The following CSMD1 variants were observed in gnomAD, a reference collection of about 807,000 sequenced individuals.
The protein encoded by CSMD1 is CUB and sushi domain-containing protein 1.
A neutral mutation model predicts 417.5 loss-of-function variants in CSMD1; 213 were observed. The observed-to-expected ratio is 0.51, with a 90% CI of 0.46 to 0.57. The LOEUF is 0.57. Among genes scored for constraint, CSMD1 ranks in the 20% least tolerant of loss-of-function variants. CSMD1 has a pLI of 0.00. For missense variants in CSMD1, 6,923 were observed against 4,529.7 expected (o/e 1.53, Z -15.17); for synonymous variants, 2,862 against 1,736.8 (o/e 1.65, Z -16.11).
chr8:4,643,451 T>G (rs1242129620), intron 1 of CSMD1, among the ~76,000 whole-genome samples: 1 of 152,226 alleles, frequency 6.6e-6, no homozygotes, highest in Non-Finnish European at 1.5e-5. Flanking sequence ...TTGGCTTTTC[T>G]GGAACACTAA....
intron 2 of CSMD1, among the ~76,000 whole-genome samples, chr8:4,450,962 G>A (rs756004238): frequency 6.6e-6 from 1 of 152,008 alleles, no homozygotes; most frequent in Non-Finnish European, 1.5e-5. Flanking sequence ...AAGATCTACA[G>A]TAACGTATTA....
chr8:4,594,862 A>T (rs777611816), intron 2 of CSMD1, among the ~76,000 whole-genome samples: 3 of 152,182 alleles, frequency 2.0e-5, no homozygotes, highest in African/African-American at 7.2e-5. Context: ...GTAAATCTTC[A>T]TCATGCTGAA....
intron 1 of CSMD1, among the ~76,000 whole-genome samples, chr8:4,978,110 T>G (rs924793837): frequency 6.6e-6 from 1 of 152,184 alleles, no homozygotes; most frequent in Admixed American, 6.5e-5. Flanking sequence ...GAGTTCTGGG[T>G]AGCCTATTCC....
chr8:3,523,669 ACACACGTACACCCAGAGAGACATATG>A (rs1797611174), intron 10 of CSMD1, among the ~76,000 whole-genome samples: 1 of 142,252 alleles, frequency 7.0e-6, no homozygotes, highest in African/African-American at 2.8e-5. Context: ...ACACATGCAC[ACACACGTACACCCAGAGAGACATATG>A]CACACATGTG....
At chr8:4,913,902 C>T (rs946209637) in intron 1 of CSMD1, among the ~76,000 whole-genome samples, 2 of 152,160 alleles carry the variant, frequency 1.3e-5, no homozygotes, top group Non-Finnish European at 2.9e-5. Context: ...GTGCATCCTT[C>T]TTAATTAATG....
intron 1 of CSMD1, among the ~76,000 whole-genome samples, chr8:4,664,790 T>C (rs1348735649): frequency 6.6e-6 from 1 of 152,128 alleles, no homozygotes; most frequent in Non-Finnish European, 1.5e-5. Flanking sequence ...CTATGGAAAT[T>C]ATGGCATCTT....
At chr8:3,080,861 C>T (rs1304009942) in intron 49 of CSMD1, among the ~76,000 whole-genome samples, 1 of 152,054 alleles carries the variant, frequency 6.6e-6, no homozygotes. Context: ...GGGGGATGGC[C>T]CTCACAATGT....
chr8:4,387,797 G>C (rs916633835), intron 3 of CSMD1, among the ~76,000 whole-genome samples: 6 of 152,058 alleles, frequency 3.9e-5, no homozygotes, highest in Non-Finnish European at 8.8e-5. Context: ...GACGGATTTT[G>C]AATATGCACT....
At chr8:4,213,786 T>C (rs969984310) in intron 3 of CSMD1, among the ~76,000 whole-genome samples, 2 of 151,950 alleles carry the variant, frequency 1.3e-5, no homozygotes, top group African/African-American at 4.8e-5. Context: ...GTGGTGAGGG[T>C]GGAACGCAAA....
intron 1 of CSMD1, among the ~76,000 whole-genome samples, chr8:4,876,592 CT>C (rs1471872525): frequency 6.6e-6 from 1 of 151,914 alleles, no homozygotes; most frequent in African/African-American, 2.4e-5. Context: ...ATAATATAGC[CT>C]TTTTTTGTAA....
chr8:3,560,799 A>G lies in CSMD1; in HGVS notation c.1344+14146T>C, dbSNP rs60494759. ...CTCCTTGATTTGACCCTATCGAGCT[A>G]GAGAAAGCAATTTCATTTATCCTTC... On this transcript the variant is annotated intron_variant, in intron 10 of 69. Transcript: ENST00000635120. 6.0e-3 allele frequency among the ~76,000 whole-genome samples: 913 copies of G among 152,328 alleles called. 11 individuals carry two copies. The highest frequency in any genetic ancestry group is 0.021 in the African/African-American group (874 of 41,578).
intron 2 of CSMD1, among the ~76,000 whole-genome samples, chr8:4,539,648 G>A (rs1050490143): frequency 6.6e-6 from 1 of 152,092 alleles, no homozygotes; most frequent in African/African-American, 2.4e-5. Context: ...AAATTTAAAT[G>A]GTAAAATAAC....
At chr8:4,812,317 C>T (rs1585140471) in intron 1 of CSMD1, among the ~76,000 whole-genome samples, 2 of 152,200 alleles carry the variant, frequency 1.3e-5, no homozygotes, top group African/African-American at 4.8e-5. Context: ...ATAGTGGCTG[C>T]TTCCAATCAA....
chr8:4,945,867 GCAGA>G (rs1417847990), intron 1 of CSMD1, among the ~76,000 whole-genome samples: 1 of 152,098 alleles, frequency 6.6e-6, no homozygotes, highest in African/African-American at 2.4e-5. Context: ...GCAGGATTTG[GCAGA>G]CAATCACAGA....
chr8:3,144,888 G>A (rs544645217), intron 40 of CSMD1, among the ~76,000 whole-genome samples: 2 of 151,996 alleles, frequency 1.3e-5, no homozygotes, highest in South Asian at 2.1e-4. Flanking sequence ...TCCTCTGCCT[G>A]CTGTGACAGC....
At chr8:4,112,069 G>A (rs1336056386) in intron 3 of CSMD1, among the ~76,000 whole-genome samples, 1 of 152,072 alleles carries the variant, frequency 6.6e-6, no homozygotes, top group Non-Finnish European at 1.5e-5. Context: ...TTTGTCTGAG[G>A]CTAGTCTTGA....
At chr8:3,174,499 C>T (rs902014125) in intron 37 of CSMD1, among the ~76,000 whole-genome samples, 1 of 152,052 alleles carries the variant, frequency 6.6e-6, no homozygotes. Context: ...TCTCAAAAAA[C>T]AAACAATAAA....
At chr8:3,141,800 C>CTT (rs34760693) in intron 41 of CSMD1, among the ~76,000 whole-genome samples, 29,960 of 144,158 alleles carry the variant, frequency 0.21, 3,889 homozygotes, top group South Asian at 0.45. Context: ...GCCAAATTAT[C>CTT]TTTTTTTTTT....
At chr8:4,268,613 G>T (rs933796290) in intron 3 of CSMD1, among the ~76,000 whole-genome samples, 1 of 151,968 alleles carries the variant, frequency 6.6e-6, no homozygotes, top group Non-Finnish European at 1.5e-5. Flanking sequence ...AGTAGCTATG[G>T]GATTACAGTC....
Sources: gnomAD v4.1 joint callset for allele counts (sites outside exome capture counted in the v4.1 genomes callset) on GRCh38, gnomAD v4.1.1 for gene constraint, MANE v1.5 for transcripts, NCBI Gene and HGNC (gene_info 2026-07-23, HGNC 2026-07-21) for gene names.